The following CPB2 variants were observed in gnomAD, a reference collection of about 807,000 sequenced individuals.
CPB2 encodes carboxypeptidase B2, also known as carboxypeptidase B-like protein.
In CPB2, 54 loss-of-function variants were observed where a neutral mutation model predicts 57.0. The observed-to-expected ratio is 0.95, with a 90% CI of 0.76 to 1.19. CPB2 has a LOEUF of 1.19. Ranked by LOEUF, CPB2 falls within the 50% of genes most tolerant of loss-of-function variation. The pLI is 0.00. For missense variants in CPB2, 426 were observed against 512.0 expected (o/e 0.83, Z 1.62); for synonymous variants, 189 against 178.1 (o/e 1.06, Z -0.49).
intron 1 of CPB2, among the ~76,000 whole-genome samples, chr13:46,090,334 A>G (rs2045273107): frequency 6.6e-6 from 1 of 151,654 alleles, no homozygotes; most frequent in Non-Finnish European, 1.5e-5. Context: ...TTATTAATAA[A>G]TACAGTGAAT....
intron 1 of CPB2, among the ~76,000 whole-genome samples, chr13:46,090,724 C>CTTTTTTTTTTTTTTTTTTTTTT (rs10651921): frequency 6.7e-6 from 1 of 148,402 alleles, no homozygotes. Flanking sequence ...AGATGTTGCA[C>CTTTTTTTTTTTTTTTTTTTTTT]TTTTTTTTTT....
chr13:46,078,960 C>A, intron 4 of CPB2, 59 bp from the exon 5 acceptor site: 2 of 1,060,574 alleles, frequency 1.9e-6, no homozygotes, highest in Non-Finnish European at 2.9e-6. Flanking sequence ...TTTCCCTGAC[C>A]AAAGCAAGCA....
chr13:46,056,000 A>G, intron 9 of CPB2, 151 bp from the exon 10 acceptor site: 1 of 423,234 alleles, frequency 2.4e-6, no homozygotes, highest in South Asian at 5.5e-5. Flanking sequence ...TAAGGTAAAC[A>G]AATTAATTTA....
At chr13:46,093,079 A>C (rs1260707053) in intron 1 of CPB2, among the ~76,000 whole-genome samples, 1 of 151,746 alleles carries the variant, frequency 6.6e-6, no homozygotes. Flanking sequence ...TGCCCGGCTA[A>C]TTTTTGTATT....
chr13:46,069,897 A>T (rs1006612690), intron 6 of CPB2, among the ~76,000 whole-genome samples: 1 of 152,208 alleles, frequency 6.6e-6, no homozygotes, highest in African/African-American at 2.4e-5. Context: ...CTTTTGAGGA[A>T]CTTCCACATT....
At chr13:46,064,033 G>A (rs1260004745) in intron 8 of CPB2, among the ~76,000 whole-genome samples, 2 of 151,910 alleles carry the variant, frequency 1.3e-5, no homozygotes, top group South Asian at 2.1e-4. Flanking sequence ...CGAGGTGGGC[G>A]GATCACTTAA....
chr13:46,079,915 C>T (rs11574988), intron 4 of CPB2, among the ~76,000 whole-genome samples: 15 of 152,146 alleles, frequency 9.9e-5, no homozygotes, highest in Non-Finnish European at 8.8e-5. Flanking sequence ...CACCAAGTAC[C>T]GACCCTGTCA....
At chr13:46,085,055 T>C (rs2139398369) in intron 2 of CPB2, among the ~76,000 whole-genome samples, 1 of 152,158 alleles carries the variant, frequency 6.6e-6, no homozygotes, top group East Asian at 1.9e-4. Flanking sequence ...TTTCACCGTG[T>C]TAGCCAGGAT....
At chr13:46,089,239 A>G (rs2045256056) in intron 1 of CPB2, among the ~76,000 whole-genome samples, 1 of 152,060 alleles carries the variant, frequency 6.6e-6, no homozygotes, top group Non-Finnish European at 1.5e-5. Flanking sequence ...ATTTTGTCAT[A>G]TATCAAGTTT....
intron 1 of CPB2, among the ~76,000 whole-genome samples, chr13:46,090,993 G>A (rs186531659): frequency 6.6e-6 from 1 of 152,272 alleles, no homozygotes; most frequent in Admixed American, 6.5e-5. Context: ...CAAAGTGCTG[G>A]GATTACAGGC....
intron 1 of CPB2, among the ~76,000 whole-genome samples, chr13:46,102,615 G>A (rs2045451068): frequency 6.9e-6 from 1 of 144,148 alleles, no homozygotes. Context: ...TTTTTAGAAG[G>A]GTTGATATTC....
intron 4 of CPB2, among the ~76,000 whole-genome samples, chr13:46,081,989 C>T (rs1421875315): frequency 2.0e-5 from 3 of 152,068 alleles, no homozygotes; most frequent in African/African-American, 7.2e-5. Context: ...TAAATAGCTT[C>T]CTTCTAAGGA....
At position 46,082,491 on chromosome 13, in the gene CPB2, T is replaced by C. The variant is rs1330588505; in HGVS notation, c.334A>G (p.Ser112Gly). The C allele has an allele frequency of 6.2e-7, 1 of 1,613,918 alleles. No individual in the cohort carries two copies. The highest frequency in any genetic ancestry group is 8.5e-7 in the Non-Finnish European group (1 of 1,179,824). Reference protein sequence around the residue: ...IQQQISNDTVSPRASASYYEQ... With the variant: ...IQQQISNDTVGPRASASYYEQ... ...TAGTACGATGCGGAGGCTCGGGGGC[T>C]GACTGTGTCGTTGGAAATCTGCTGT... Residue 112 changes from serine (S) to glycine (G), a missense_variant, in exon 4 of 11, where the codon AGC (serine) becomes GGC (glycine). Ser to Gly is a moderately conservative substitution (Grantham distance 56). Coordinates refer to ENST00000181383, the MANE Select transcript of CPB2 (RefSeq NM_001872.5).
At chr13:46,073,104 T>C (rs917298756) in intron 6 of CPB2, among the ~76,000 whole-genome samples, 3 of 152,236 alleles carry the variant, frequency 2.0e-5, no homozygotes, top group African/African-American at 7.2e-5. Context: ...TTGATGTACT[T>C]AATAAGTGCC....
At chr13:46,063,481 T>A (rs2044806205) in intron 8 of CPB2, among the ~76,000 whole-genome samples, 1 of 152,246 alleles carries the variant, frequency 6.6e-6, no homozygotes, top group Non-Finnish European at 1.5e-5. Flanking sequence ...GCATCCATGT[T>A]GCTGTAAAGG....
At chr13:46,086,794 C>A (rs574764876) in intron 2 of CPB2, among the ~76,000 whole-genome samples, 3 of 152,236 alleles carry the variant, frequency 2.0e-5, no homozygotes, top group East Asian at 3.9e-4. Flanking sequence ...TCAGCCACCC[C>A]CTTGGCTTCC....
intron 4 of CPB2, among the ~76,000 whole-genome samples, chr13:46,080,341 A>T (rs1462008162): frequency 6.6e-6 from 1 of 152,354 alleles, no homozygotes; most frequent in East Asian, 1.9e-4. Flanking sequence ...AAGGGAAAGA[A>T]GCACTTAGAG....
intron 1 of CPB2, among the ~76,000 whole-genome samples, chr13:46,088,255 C>G (rs183476384): frequency 7.2e-5 from 11 of 152,304 alleles, no homozygotes; most frequent in East Asian, 1.9e-4. Flanking sequence ...TGTCCTACCC[C>G]CTTGCCACAT....
rs150085124 is a variant in CPB2 at position 46,068,115 on chromosome 13, T to C, written c.592-698A>G. 3.7e-4 allele frequency among the ~76,000 whole-genome samples: 56 copies of C among 152,368 alleles called. 1 individual carries two copies. The East Asian group carries it at 7.7e-3, about 21-fold the overall frequency. On this transcript the variant is annotated intron_variant, in intron 6 of 10. Coordinates refer to ENST00000181383, the MANE Select transcript of CPB2 (RefSeq NM_001872.5). The stretch of plus-strand genomic sequence containing the variant: ...GAGAACTATAAAGACAAATTTTAGC[T>C]GGTCAAATCGTTTCATCTAGGACAA...
Sources: allele counts gnomAD v4.1 joint callset (sites outside exome capture counted in the v4.1 genomes callset), GRCh38; gene constraint gnomAD v4.1.1; transcripts MANE v1.5; gene names NCBI Gene and HGNC (gene_info 2026-07-23, HGNC 2026-07-21).